CIT: variants seen among roughly 807,000 people sequenced by gnomAD.
The protein encoded by CIT is citron rho-interacting serine/threonine kinase.
A neutral mutation model predicts 272.7 loss-of-function variants in CIT; 79 were observed. That is an observed-to-expected ratio of 0.29 (90% CI 0.24 to 0.35). The LOEUF (loss-of-function observed/expected upper bound fraction) is 0.35, where lower values mean the gene tolerates loss of function less well. CIT is among the 10% of genes least tolerant of loss of function. The pLI is 1.00. For missense variants in CIT, 1,909 were observed against 2,618.3 expected, an observed-to-expected ratio of 0.73 and a Z score of 5.91; for synonymous variants, 948 against 995.6, an observed-to-expected ratio of 0.95 and a Z score of 0.90.
At chr12:119,803,025 G>C (rs913047760) in intron 10 of CIT, among the ~76,000 whole-genome samples, 181 bp downstream of exon 10, 2 of 152,022 alleles carry the variant, frequency 1.3e-5, no homozygotes, top group African/African-American at 4.8e-5. Flanking sequence ...TGCAAAATGA[G>C]AATATTAACA....
At chr12:119,790,055 T>A (rs1296327599) in intron 10 of CIT, among the ~76,000 whole-genome samples, 1 of 152,184 alleles carries the variant, frequency 6.6e-6, no homozygotes, top group African/African-American at 2.4e-5. Context: ...TCCTTCTGAC[T>A]TTCAAAGCAA....
intron 19 of CIT, among the ~76,000 whole-genome samples, chr12:119,765,339 C>A (rs1593652184): frequency 6.9e-6 from 1 of 144,306 alleles, no homozygotes; most frequent in African/African-American, 2.6e-5. Flanking sequence ...CTGTGCTGAG[C>A]AAGACCATGT....
chr12:119,790,822 C>A (rs972077224), intron 10 of CIT, among the ~76,000 whole-genome samples: 3 of 152,146 alleles, frequency 2.0e-5, no homozygotes, highest in Non-Finnish European at 4.4e-5. Flanking sequence ...CCCAAAATGT[C>A]AATAGTGCCA....
In CIT at chr12:119,687,915, G is replaced by A. The variant is rs561376798; in HGVS notation, c.*317C>T. The A allele has an allele frequency of 9.7e-5, 33 of 341,658 alleles. No homozygotes were observed. The highest frequency in any genetic ancestry group is 1.4e-4 in the Admixed American group (3 of 21,386). The allele number at this position is 341,658 out of a possible 1,614,324, so 21.2% of individuals were successfully genotyped here. A position where few individuals can be genotyped will look rare whatever the true frequency, so the allele number is the denominator to read the frequency against. On this transcript the variant is annotated 3_prime_UTR_variant, in exon 48 of 48. Coordinates refer to ENST00000392521, the MANE Select transcript of CIT (RefSeq NM_001206999.2). ...CATGTTGTAGTTAGCATCCCGGTTG[G>A]TTTCCTTTGATGAACTAACTGGTAC...
At chr12:119,739,759 C>G (rs777961777) in intron 24 of CIT, among the ~76,000 whole-genome samples, 3 of 152,082 alleles carry the variant, frequency 2.0e-5, no homozygotes, top group Non-Finnish European at 2.9e-5. Flanking sequence ...CTCGCAGCAA[C>G]CTTATGAGGG....
chr12:119,812,179 C>T (rs1202790119), intron 9 of CIT, among the ~76,000 whole-genome samples: 4 of 152,048 alleles, frequency 2.6e-5, no homozygotes, highest in African/African-American at 7.3e-5. Context: ...AACTTCTGAC[C>T]TCAAGTGATC....
At chr12:119,788,538 T>C (rs954049212) in intron 10 of CIT, among the ~76,000 whole-genome samples, 4 of 152,146 alleles carry the variant, frequency 2.6e-5, no homozygotes, top group African/African-American at 7.2e-5. Flanking sequence ...AACGATGACA[T>C]GGGTGCATGA....
At chr12:119,874,173 T>G (rs558497347) in intron 2 of CIT, among the ~76,000 whole-genome samples, 13 of 152,288 alleles carry the variant, frequency 8.5e-5, no homozygotes, top group African/African-American at 1.7e-4. Context: ...GTTCAAATGA[T>G]TCTCCTGCTT....
chr12:119,809,563 ATCTC>A (rs377054602), intron 9 of CIT, among the ~76,000 whole-genome samples: 1 of 151,718 alleles, frequency 6.6e-6, no homozygotes, highest in Non-Finnish European at 1.5e-5. Context: ...GAAAAACAGA[ATCTC>A]TCTCTCTCTG....
At chr12:119,747,860 A>G (rs1325489845) in intron 23 of CIT, among the ~76,000 whole-genome samples, 1 of 152,190 alleles carries the variant, frequency 6.6e-6, no homozygotes, top group Non-Finnish European at 1.5e-5. Context: ...ACATCTTAGT[A>G]TTGTTATGAA....
At chr12:119,831,835 A>C (rs1277252196) in intron 7 of CIT, among the ~76,000 whole-genome samples, 1 of 152,150 alleles carries the variant, frequency 6.6e-6, no homozygotes, top group Non-Finnish European at 1.5e-5. Flanking sequence ...GCGCCACTGC[A>C]CTCCAGCCTG....
chr12:119,704,921 C>A (rs553332422), intron 40 of CIT, among the ~76,000 whole-genome samples: 1 of 152,262 alleles, frequency 6.6e-6, no homozygotes. Context: ...GAGAAAATTT[C>A]TTTTCTTCTG....
At chr12:119,717,272 G>C (rs10849692) in intron 32 of CIT, among the ~76,000 whole-genome samples, 1 of 151,766 alleles carries the variant, frequency 6.6e-6, no homozygotes, top group Non-Finnish European at 1.5e-5. Flanking sequence ...GGCTAGTCTC[G>C]AACTCCCAAC....
chr12:119,742,751 GA>G (rs1405067436), intron 23 of CIT: 23 of 275,844 alleles, frequency 8.3e-5, no homozygotes, highest in Non-Finnish European at 1.1e-4. Flanking sequence ...GGAGAAAAGG[GA>G]AAAAAAGCAA....
At chr12:119,740,041 CTCTA>C (rs1273743269) in intron 24 of CIT, among the ~76,000 whole-genome samples, 1 of 152,204 alleles carries the variant, frequency 6.6e-6, no homozygotes. Context: ...ATAATCTGAA[CTCTA>C]TCTGATTCCA....
At chr12:119,688,302 T>G in intron 47 of CIT, 47 bp from the exon 48 acceptor site, 1 of 1,583,218 alleles carries the variant, frequency 6.3e-7, no homozygotes. Flanking sequence ...GGCCAGAAGT[T>G]GCTGTGCTCA....
intron 9 of CIT, among the ~76,000 whole-genome samples, chr12:119,805,444 G>A (rs949475879): frequency 6.6e-6 from 1 of 152,172 alleles, no homozygotes; most frequent in African/African-American, 2.4e-5. Context: ...TGCTATTATT[G>A]CTACTGCTCA....
At position 119,756,134 on chromosome 12, in the gene CIT, T is replaced by A. The variant is rs1226296688; in HGVS notation, c.2706+1237A>T. On this transcript the variant is annotated intron_variant, in intron 22 of 47. Transcript: ENST00000392521. ...GAGATGAGGCAGCTTGCAAAACTAG[T>A]AAGAGGTCATAAAACCAGTAAGGAG... Among the ~76,000 whole-genome samples, 3 of 152,138 alleles carry A rather than the reference T, an allele frequency of 2.0e-5. No individual in the cohort carries two copies. In the East Asian group the frequency reaches 5.8e-4, roughly 29 times the overall value.
intron 9 of CIT, among the ~76,000 whole-genome samples, chr12:119,820,957 G>A (rs972116794): frequency 2.0e-5 from 3 of 152,038 alleles, no homozygotes; most frequent in African/African-American, 7.2e-5. Context: ...CCCACAGAGT[G>A]AGACTCTGTC....
Sources: allele counts gnomAD v4.1 joint callset (sites outside exome capture counted in the v4.1 genomes callset), GRCh38; gene constraint gnomAD v4.1.1; transcripts MANE v1.5; gene names NCBI Gene and HGNC (gene_info 2026-07-23, HGNC 2026-07-21).